GAS2L3: variants seen among roughly 807,000 people sequenced by gnomAD.
GAS2L3 encodes the protein GAS2-like protein 3.
Under a neutral mutation model 37.0 loss-of-function variants are expected in GAS2L3, and 28 were observed. The ratio of observed to expected loss-of-function variants is 0.76; its 90% CI spans 0.56 to 1.04. The LOEUF (loss-of-function observed/expected upper bound fraction) is 1.04, where lower values mean the gene tolerates loss of function less well. GAS2L3 is among the 50% of genes least tolerant of loss of function. The pLI, the probability that GAS2L3 is intolerant of heterozygous loss-of-function variation, is 0.00. For synonymous variants in GAS2L3, 290 were observed against 296.6 expected (o/e 0.98, Z 0.23); for missense variants, 793 against 817.6 (o/e 0.97, Z 0.37).
chr12:100,595,113 C>T (rs1033640760), intron 3 of GAS2L3, among the ~76,000 whole-genome samples, 191 bp downstream of exon 3: 1 of 151,786 alleles, frequency 6.6e-6, no homozygotes, highest in Admixed American at 6.6e-5. Context: ...TTTGTTTATA[C>T]TGAATATTTG....
At chr12:100,591,277 A>G (rs1394425324) in intron 1 of GAS2L3, among the ~76,000 whole-genome samples, 1 of 152,170 alleles carries the variant, frequency 6.6e-6, no homozygotes, top group East Asian at 1.9e-4. Context: ...ATGAAAAAAG[A>G]TCACAGCGCA....
intron 8 of GAS2L3, 83 bp downstream of exon 8, chr12:100,618,670 G>A: frequency 8.1e-7 from 1 of 1,240,212 alleles, no homozygotes; most frequent in South Asian, 1.6e-5. Flanking sequence ...TACAGGTGAT[G>A]CTATTTTTAA....
chr12:100,623,255 A>G (rs1268083084), intron 9 of GAS2L3, among the ~76,000 whole-genome samples: 1 of 152,164 alleles, frequency 6.6e-6, no homozygotes, highest in African/African-American at 2.4e-5. Flanking sequence ...TACTGAATGG[A>G]CAGGGCCCTA....
chr12:100,580,968 G>T (rs1218640199), intron 1 of GAS2L3, among the ~76,000 whole-genome samples: 1 of 152,160 alleles, frequency 6.6e-6, no homozygotes, highest in Non-Finnish European at 1.5e-5. Context: ...GTACTTCTTT[G>T]ATCCTGTTCT....
intron 6 of GAS2L3, among the ~76,000 whole-genome samples, chr12:100,617,094 T>G (rs915599560): frequency 6.6e-6 from 1 of 152,234 alleles, no homozygotes; most frequent in South Asian, 2.1e-4. Flanking sequence ...GTTTTTTTCC[T>G]TTATTCTGCT....
chr12:100,615,759 T>C (rs1361711645), intron 6 of GAS2L3, among the ~76,000 whole-genome samples: 5 of 152,198 alleles, frequency 3.3e-5, no homozygotes, highest in African/African-American at 4.8e-5. Flanking sequence ...TCTCTCCTTA[T>C]TGAATTGTCT....
intron 1 of GAS2L3, among the ~76,000 whole-genome samples, chr12:100,585,664 C>T (rs893223960): frequency 1.3e-5 from 2 of 152,210 alleles, no homozygotes; most frequent in Non-Finnish European, 2.9e-5. Context: ...AAGCCTGAAA[C>T]AGTAGTTCTT....
At position 100,579,302 on chromosome 12, in the gene GAS2L3, A is replaced by G. The variant is rs1787459709; in HGVS notation, c.-152+5517A>G. 7.8e-6 allele frequency: 5 copies of G among 638,220 alleles called. No individual in the cohort carries two copies. In the Admixed American group the frequency reaches 1.2e-4, roughly 15 times the overall value. The allele number at this position is 638,220 out of a possible 1,614,324, so 39.5% of individuals were successfully genotyped here. On this transcript the variant is annotated intron_variant, in intron 1 of 9. Transcript: ENST00000547754. ...AAGCCGTATCATTTGCGTTTCTTAT[A>G]CTAGTAAGGAAAATACCGTACTACG...
chr12:100,623,884 AAGG>A lies in GAS2L3; in HGVS notation c.1083_1085del (p.Gly362del). ...GCATTGGTGCCAGCATCTTCACTGAAAGGAGGTAATCTGGGCTCTATGTCAGTC... is the reference window on the plus strand; with the variant it reads ...GCATTGGTGCCAGCATCTTCACTGAAAGGTAATCTGGGCTCTATGTCAGTC... On this transcript the variant is annotated inframe_deletion, in exon 10 of 10. Transcript: ENST00000547754. 1 of 1,614,102 alleles carries A rather than the reference AAGG, an allele frequency of 6.2e-7. No individual in the cohort carries two copies. The highest frequency in any genetic ancestry group is 8.5e-7 in the Non-Finnish European group (1 of 1,180,002).
intron 3 of GAS2L3, among the ~76,000 whole-genome samples, chr12:100,600,085 G>C (rs1460558533): frequency 6.6e-6 from 1 of 152,080 alleles, no homozygotes; most frequent in Non-Finnish European, 1.5e-5. Context: ...AACTTAGCTG[G>C]GTGTGGTGGC....
Position 100,618,434 on chromosome 12 carries a change from C to T in GAS2L3, c.510-15C>T. 6.3e-7 allele frequency: 1 copy of T among 1,594,372 alleles called. No individual in the cohort carries two copies. The highest frequency in any genetic ancestry group is 1.1e-5 in the South Asian group (1 of 87,172). ...AACTTTGCTTGAATGATCAGATCTC[C>T]TGGTTGGTTTTCAGATACGGGGTTG... On this transcript the variant is annotated splice_polypyrimidine_tract_variant and intron_variant, in intron 7 of 9. Coordinates refer to ENST00000547754, the MANE Select transcript of GAS2L3 (RefSeq NM_174942.3).
At chr12:100,619,584 C>T (rs1333493582) in intron 8 of GAS2L3, among the ~76,000 whole-genome samples, 1 of 151,876 alleles carries the variant, frequency 6.6e-6, no homozygotes, top group Non-Finnish European at 1.5e-5. Context: ...GAATGAATAA[C>T]TCTTTTATCT....
intron 1 of GAS2L3, among the ~76,000 whole-genome samples, chr12:100,583,099 G>A (rs1308462087): frequency 6.6e-6 from 1 of 152,180 alleles, no homozygotes; most frequent in South Asian, 2.1e-4. Context: ...CAAGTCCATA[G>A]AGTAAAGCAA....
In GAS2L3 at chr12:100,622,174, T is replaced by G. The variant is rs535908452; in HGVS notation, c.649-101T>G. 2.5e-5 allele frequency: 14 copies of G among 566,888 alleles called. No homozygotes were observed. In the East Asian group the frequency reaches 2.6e-4, roughly 10 times the overall value. The allele number at this position is 566,888 out of a possible 1,614,324, so 35.1% of individuals were successfully genotyped here. A position where few individuals can be genotyped will look rare whatever the true frequency, so the allele number is the denominator to read the frequency against. ...GATTAAATTATTGAACCTGAAATTT[T>G]TATCTTTGAGTTTGGTTTTCCTTAG... On this transcript the variant is annotated intron_variant, in intron 8 of 9. Transcript: ENST00000547754.
intron 5 of GAS2L3, among the ~76,000 whole-genome samples, chr12:100,606,853 T>C (rs1335614286): frequency 2.0e-5 from 3 of 152,156 alleles, no homozygotes; most frequent in Non-Finnish European, 4.4e-5. Flanking sequence ...AAGTTGTAGT[T>C]ATTAATTTTG....
In GAS2L3 at chr12:100,626,431, A is replaced by T. The variant is rs890182589; in HGVS notation, c.*1541A>T. The T allele has an allele frequency of 1.3e-5, 2 of 152,228 alleles. No individual in the cohort carries two copies. Among genetic ancestry groups the T allele is most frequent in the African/African-American group, 2.4e-5 (1 of 41,466 alleles). 9.4% of individuals were successfully genotyped at this position (152,228 alleles called of 1,614,324 possible). A position where few individuals can be genotyped will look rare whatever the true frequency, so the allele number is the denominator to read the frequency against. ...TCTTCTTTAAAGAGACAGTCACCAA[A>T]TACTTGGTTTAACTCGACTATTGAC... On this transcript the variant is annotated 3_prime_UTR_variant, in exon 10 of 10. Transcript: ENST00000547754.
At chr12:100,584,391 G>A (rs780725548) in intron 1 of GAS2L3, among the ~76,000 whole-genome samples, 9 of 152,174 alleles carry the variant, frequency 5.9e-5, no homozygotes, top group Non-Finnish European at 1.3e-4. Context: ...AAGTGTAAAT[G>A]TTGGATTTTC....
Position 100,624,890 on chromosome 12 carries a change from A to G in GAS2L3, c.2085A>G (p.Ter695=). 6.4e-7 allele frequency: 1 copy of G among 1,552,728 alleles called. No individual in the cohort carries two copies. Among genetic ancestry groups the G allele is most frequent in the South Asian group, 1.2e-5 (1 of 85,538 alleles). ...VMTGSKKPRK[*] ...CTGGAAGTAAGAAACCTAGAAAATA[A>G]ATACATACTCATTATAAAAAAAGAG... The change falls in exon 10 of 10, where the codon TAA becomes TAG. Residue 695 remains the stop codon, a stop_retained_variant. Coordinates refer to ENST00000547754, the MANE Select transcript of GAS2L3 (RefSeq NM_174942.3).
intron 1 of GAS2L3, among the ~76,000 whole-genome samples, chr12:100,584,699 G>C (rs919925288): frequency 4.4e-4 from 66 of 151,304 alleles, no homozygotes; most frequent in African/African-American, 1.5e-3. Flanking sequence ...TCAGCCTCCC[G>C]AGTAGCTGGG....
Sources: allele counts gnomAD v4.1 joint callset (sites outside exome capture counted in the v4.1 genomes callset), GRCh38; gene constraint gnomAD v4.1.1; transcripts MANE v1.5; gene names NCBI Gene and HGNC (gene_info 2026-07-23, HGNC 2026-07-21).